The following FGF23 variants were observed in gnomAD, a reference collection of about 807,000 sequenced individuals.
The protein encoded by FGF23 is phosphatonin.
A neutral mutation model predicts 9.0 loss-of-function variants in FGF23; 8 were observed. The observed-to-expected ratio is 0.89, with a 90% confidence interval of 0.52 to 1.60. The LOEUF (loss-of-function observed/expected upper bound fraction) is 1.60, where lower values mean the gene tolerates loss of function less well. Ranked by LOEUF, FGF23 falls within the 40% of genes most tolerant of loss-of-function variation. The pLI is 0.00. For missense variants in FGF23, 311 were observed against 344.3 expected (o/e 0.90, Z 0.77); for synonymous variants, 118 against 146.2 (o/e 0.81, Z 1.39).
At chr12:4,373,916 TG>T (rs1384948573) in intron 1 of FGF23, among the ~76,000 whole-genome samples, 1 of 152,280 alleles carries the variant, frequency 6.6e-6, no homozygotes, top group East Asian at 1.9e-4. Context: ...CTTCTGCAAC[TG>T]TAGCTTGGAG....
chr12:4,376,762 T>C (rs1202172275), intron 1 of FGF23, among the ~76,000 whole-genome samples: 2 of 152,092 alleles, frequency 1.3e-5, no homozygotes, highest in African/African-American at 4.8e-5. Context: ...CAAGTGATCC[T>C]CCCACCTCGG....
At position 4,372,605 on chromosome 12, in the gene FGF23, T is replaced by C. The variant is rs767442988; in HGVS notation, c.304A>G (p.Ile102Val). 3.1e-6 allele frequency: 5 copies of C among 1,605,150 alleles called. No homozygotes were observed. The East Asian group carries it at 6.7e-5, about 21-fold the overall frequency. Residue 102 changes from isoleucine (I) to valine (V), a missense_variant, in exon 2 of 3, where the codon ATT becomes GTT. Coordinates refer to ENST00000237837, the MANE Select transcript of FGF23 (RefSeq NM_020638.3). ...AAAAAGAAACTCACTGATCCAAAAATGTTGCCTCTGAAATCCATGCAGAGG... is the reference window on the plus strand; with the variant it reads ...AAAAAGAAACTCACTGATCCAAAAACGTTGCCTCTGAAATCCATGCAGAGG... The part of the protein sequence containing the change: ...RYLCMDFRGN[I>V]FGSHYFDPEN...
Position 4,370,632 on chromosome 12 carries a change from T to TG in FGF23, c.466dup (p.Gln156ProfsTer67). On this transcript the variant is annotated frameshift_variant, in exon 3 of 3. Transcript: ENST00000237837. LOFTEE classifies it low-confidence loss of function (END_TRUNC). ...GATCTCGTTCCTCCGGGACAGGAAC[T>TG]GGGAGTACGGGGGTGGGTTCATGCC... 1 of 1,614,036 alleles carries TG rather than the reference T, an allele frequency of 6.2e-7. No individual in the cohort carries two copies.
At chr12:4,376,400 A>G in intron 1 of FGF23, among the ~76,000 whole-genome samples, 1 of 152,362 alleles carries the variant, frequency 6.6e-6, no homozygotes, top group Middle Eastern at 3.4e-3. Flanking sequence ...CTCACATTTT[A>G]GGTTTCCATC....
chr12:4,373,682 G>A (rs1005239902), intron 1 of FGF23, among the ~76,000 whole-genome samples: 1 of 152,138 alleles, frequency 6.6e-6, no homozygotes, highest in African/African-American at 2.4e-5. Flanking sequence ...CTGTTTTGTG[G>A]CAAAGGCACA....
intron 1 of FGF23, among the ~76,000 whole-genome samples, chr12:4,373,195 G>A (rs1298081064): frequency 6.6e-6 from 1 of 152,200 alleles, no homozygotes; most frequent in African/African-American, 2.4e-5. Flanking sequence ...CCCAGTATGT[G>A]TACAGAATGG....
chr12:4,379,453 T>C lies in FGF23; in HGVS notation c.130A>G (p.Thr44Ala), dbSNP rs1591675517. The change falls in exon 1 of 3, where the codon ACA becomes GCA. Residue 44 changes from threonine (T) to alanine (A), a missense_variant. Coordinates refer to ENST00000237837, the MANE Select transcript of FGF23 (RefSeq NM_020638.3). The stretch of plus-strand genomic sequence containing the variant: ...TGGTAGCTGTTCCTGGCTGTGGCTG[T>C]GTACAGGTGGATCAGGCCACCCCAG... ...SSWGGLIHLYTATARNSYHLQ... is the reference protein window; with the variant it reads ...SSWGGLIHLYAATARNSYHLQ... 1.9e-6 allele frequency: 3 copies of C among 1,613,480 alleles called. No homozygotes were observed. Among genetic ancestry groups the C allele is most frequent in the Non-Finnish European group, 2.5e-6 (3 of 1,180,034 alleles).
chr12:4,375,267 A>G (rs1865105332), intron 1 of FGF23, among the ~76,000 whole-genome samples: 1 of 152,192 alleles, frequency 6.6e-6, no homozygotes, highest in South Asian at 2.1e-4. Flanking sequence ...ATGCCTTGAC[A>G]GGTGTGCTGG....
chr12:4,377,422 CTTTTTTTTTTTTTT>C (rs11397562), intron 1 of FGF23, among the ~76,000 whole-genome samples: 3 of 69,478 alleles, frequency 4.3e-5, no homozygotes, highest in African/African-American at 1.7e-4. Flanking sequence ...CACATATAGT[CTTTTTTTTTTTTTT>C]TTTTTTTTTT....
intron 1 of FGF23, among the ~76,000 whole-genome samples, chr12:4,374,607 A>G (rs1036765519): frequency 1.3e-5 from 2 of 149,800 alleles, no homozygotes; most frequent in African/African-American, 2.5e-5. Flanking sequence ...CCGAGATTGC[A>G]CCACTGCACT....
chr12:4,379,220 AACAC>A, intron 1 of FGF23, 148 bp downstream of exon 1: 3 of 603,504 alleles, frequency 5.0e-6, no homozygotes, highest in Admixed American at 2.2e-5. Context: ...CACACACACA[AACAC>A]ACACACACAC....
rs13312794 is a variant in FGF23 at position 4,370,320 on chromosome 12, A to C, written c.*23T>G. ...GCTGCGTTTGCTGAGGGATGGGTTA[A>C]AGAGGGTGCCCTTCCAGCGACCCTA... On this transcript the variant is annotated 3_prime_UTR_variant, in exon 3 of 3. Transcript: ENST00000237837. 9,359 of 1,608,806 alleles carry C rather than the reference A, an allele frequency of 5.8e-3. 218 individuals carry two copies. The highest frequency in any genetic ancestry group is 0.045 in the Admixed American group (2,678 of 60,010).
chr12:4,371,082 G>A (rs148526244), intron 2 of FGF23, among the ~76,000 whole-genome samples: 154 of 152,358 alleles, frequency 1.0e-3, no homozygotes, highest in African/African-American at 3.5e-3. Context: ...TGTCCTTCCT[G>A]CCCTCTATCT....
In FGF23 at chr12:4,372,639, G is replaced by A; in HGVS notation, c.270C>T (p.Ser90=). ...TGAAATCCATGCAGAGGTATCTTCT[G>A]CTCATCACACCTGTAATCACCACAA... ...AGFVVITGVM[S]RRYLCMDFRG... is the part of the protein sequence containing the mutation. Residue 90 remains serine, a synonymous_variant, in exon 2 of 3, where the codon AGC becomes AGT. Transcript: ENST00000237837. 1 of 1,613,632 alleles carries A rather than the reference G, an allele frequency of 6.2e-7. No homozygotes were observed. Among genetic ancestry groups the A allele is most frequent in the Non-Finnish European group, 8.5e-7 (1 of 1,179,594 alleles).
chr12:4,370,994 C>T (rs777250238), intron 2 of FGF23, among the ~76,000 whole-genome samples: 1 of 152,166 alleles, frequency 6.6e-6, no homozygotes, highest in Non-Finnish European at 1.5e-5. Context: ...TCAGAGACTA[C>T]GACTACTGGG....
intron 1 of FGF23, among the ~76,000 whole-genome samples, chr12:4,376,029 T>A (rs1301628824): frequency 6.6e-6 from 1 of 152,102 alleles, no homozygotes; most frequent in African/African-American, 2.4e-5. Context: ...TCAGCTTCAA[T>A]AAAGATAGTT....
intron 2 of FGF23, among the ~76,000 whole-genome samples, chr12:4,371,497 C>T (rs549689611): frequency 6.6e-6 from 1 of 152,138 alleles, no homozygotes; most frequent in South Asian, 2.1e-4. Flanking sequence ...AACAGAAAGT[C>T]TCTGTTCTTG....
At chr12:4,373,372 G>A (rs1865083599) in intron 1 of FGF23, among the ~76,000 whole-genome samples, 1 of 152,168 alleles carries the variant, frequency 6.6e-6, no homozygotes, top group Admixed American at 6.5e-5. Context: ...CTCTATTACA[G>A]CATGTATTCC....
rs1865146144 is a variant in FGF23, at chr12:4,378,773, G to C, written c.211+599C>G. 3.4e-5 allele frequency among the ~76,000 whole-genome samples: 5 copies of C among 146,688 alleles called. No homozygotes were observed. The South Asian group carries it at 8.5e-4, about 25-fold the overall frequency. On this transcript the variant is annotated intron_variant, in intron 1 of 2. Coordinates refer to ENST00000237837, the MANE Select transcript of FGF23 (RefSeq NM_020638.3). The stretch of plus-strand genomic sequence containing the variant: ...GGATGGATGGATGGATGGATGGATG[G>C]ATGCATGGACAAATGAATGGGTGGA...
Sources: allele counts gnomAD v4.1 joint callset (sites outside exome capture counted in the v4.1 genomes callset), GRCh38; gene constraint gnomAD v4.1.1; transcripts MANE v1.5; gene names NCBI Gene and HGNC (gene_info 2026-07-23, HGNC 2026-07-21).